AFF3: variants seen among roughly 807,000 people sequenced by gnomAD.
AFF3 encodes the protein ALF transcription elongation factor 3.
A neutral mutation model predicts 129.7 loss-of-function variants in AFF3; 32 were observed. The ratio of observed to expected loss-of-function variants is 0.25; its 90% CI spans 0.19 to 0.33. The LOEUF is 0.33. Ranked by LOEUF, AFF3 falls within the 10% of genes least tolerant of loss-of-function variation. The probability of loss-of-function intolerance (pLI) is 1.00; values close to 1 mark genes in which losing one functional copy is unlikely to be tolerated. For missense variants in AFF3, 1,373 were observed against 1,592.0 expected, an observed-to-expected ratio of 0.86 and a Z score of 2.34; for synonymous variants, 644 against 635.4, an observed-to-expected ratio of 1.01 and a Z score of -0.20.
At chr2:100,066,796 G>C (rs1223710063) in intron 4 of AFF3, among the ~76,000 whole-genome samples, 1 of 152,170 alleles carries the variant, frequency 6.6e-6, no homozygotes, top group Non-Finnish European at 1.5e-5. Flanking sequence ...TTCAAAAGGA[G>C]AACCGAACAA....
chr2:99,947,527 GAAAGAAAGAA>G (rs1422441241), intron 7 of AFF3, among the ~76,000 whole-genome samples: 1 of 134,812 alleles, frequency 7.4e-6, no homozygotes, highest in Non-Finnish European at 1.6e-5. Flanking sequence ...GAGAGAGAAA[GAAAGAAAGAA>G]AAAGAGAGAA....
At chr2:99,621,282 A>G (rs990767980) in intron 13 of AFF3, among the ~76,000 whole-genome samples, 1 of 152,198 alleles carries the variant, frequency 6.6e-6, no homozygotes, top group Non-Finnish European at 1.5e-5. Context: ...TTTCCTCCCT[A>G]AATTCGCACA....
At chr2:99,643,197 T>C (rs1396252675) in intron 13 of AFF3, among the ~76,000 whole-genome samples, 2 of 151,574 alleles carry the variant, frequency 1.3e-5, no homozygotes, top group East Asian at 3.9e-4. Flanking sequence ...GTAGCTGGGA[T>C]TACAGGTGCA....
intron 3 of AFF3, chr2:100,104,825 G>A: frequency 2.2e-6 from 1 of 453,716 alleles, no homozygotes. Context: ...CCGCCGCCGC[G>A]GTGCTCTGCG....
chr2:100,023,201 C>T (rs1041761034), intron 4 of AFF3, among the ~76,000 whole-genome samples: 58 of 152,346 alleles, frequency 3.8e-4, no homozygotes, highest in Non-Finnish European at 5.3e-4. Flanking sequence ...GAAGCCCTCC[C>T]TTCACTGAGC....
chr2:99,906,650 G>A (rs1360009058), intron 7 of AFF3, among the ~76,000 whole-genome samples: 1 of 152,128 alleles, frequency 6.6e-6, no homozygotes, highest in Non-Finnish European at 1.5e-5. Flanking sequence ...AAGGTTCTAA[G>A]GGCAGAAATG....
At chr2:99,787,947 T>C (rs1217931382) in intron 8 of AFF3, among the ~76,000 whole-genome samples, 2 of 152,192 alleles carry the variant, frequency 1.3e-5, no homozygotes, top group Non-Finnish European at 2.9e-5. Flanking sequence ...TTTTGGTTAA[T>C]GACAGACTGC....
At chr2:99,985,900 G>GA (rs1038795900) in intron 7 of AFF3, among the ~76,000 whole-genome samples, 4 of 151,632 alleles carry the variant, frequency 2.6e-5, no homozygotes, top group Non-Finnish European at 5.9e-5. Context: ...TTCATAAGAA[G>GA]AAAAAAAATA....
chr2:100,132,033 GGCA>G (rs1692447507), intron 1 of AFF3, among the ~76,000 whole-genome samples: 1 of 152,104 alleles, frequency 6.6e-6, no homozygotes, highest in Admixed American at 6.6e-5. Context: ...CACCTCCTTT[GGCA>G]GAACATTTTT....
chr2:100,132,940 T>G (rs547940943), intron 1 of AFF3, among the ~76,000 whole-genome samples: 4 of 151,936 alleles, frequency 2.6e-5, no homozygotes, highest in South Asian at 2.1e-4. Flanking sequence ...TTTTGTTTTT[T>G]TTTTTTAGAT....
chr2:99,560,604 G>A (rs577532238), intron 20 of AFF3, among the ~76,000 whole-genome samples, 168 bp from the exon 21 acceptor site: 3 of 152,310 alleles, frequency 2.0e-5, no homozygotes, highest in African/African-American at 7.2e-5. Context: ...AGCTGGTGCT[G>A]CTCCATTTTC....
chr2:100,108,543 C>G (rs1335778522), intron 2 of AFF3, among the ~76,000 whole-genome samples: 1 of 152,096 alleles, frequency 6.6e-6, no homozygotes, highest in African/African-American at 2.4e-5. Flanking sequence ...TGTCCACTGT[C>G]CTAGGGAGTT....
At chr2:100,012,653 G>A (rs911141019) in intron 4 of AFF3, among the ~76,000 whole-genome samples, 1 of 152,214 alleles carries the variant, frequency 6.6e-6, no homozygotes, top group Non-Finnish European at 1.5e-5. Context: ...TGCCATGAAA[G>A]CTTAGCCCTC....
intron 4 of AFF3, among the ~76,000 whole-genome samples, chr2:100,035,716 T>C (rs754578381): frequency 1.3e-5 from 2 of 152,290 alleles, no homozygotes; most frequent in Non-Finnish European, 2.9e-5. Context: ...TCGATGAGTA[T>C]TTGTTCAATG....
intron 7 of AFF3, among the ~76,000 whole-genome samples, chr2:99,948,528 G>A (rs1375702822): frequency 6.6e-6 from 1 of 152,178 alleles, no homozygotes; most frequent in African/African-American, 2.4e-5. Flanking sequence ...AAACTCAAAG[G>A]AGGAAGGATG....
intron 4 of AFF3, among the ~76,000 whole-genome samples, chr2:100,073,318 C>A (rs1451825303): frequency 1.3e-5 from 2 of 152,182 alleles, no homozygotes; most frequent in Non-Finnish European, 2.9e-5. Flanking sequence ...GCAGAATGCC[C>A]AGAAAACATG....
chr2:99,916,656 A>G (rs1695496038), intron 7 of AFF3, among the ~76,000 whole-genome samples: 2 of 152,172 alleles, frequency 1.3e-5, no homozygotes, highest in Admixed American at 1.3e-4. Context: ...ACCACAGTCA[A>G]GAACCAGCAG....
At chr2:99,723,875 GAGAT>G (rs975149709) in intron 11 of AFF3, among the ~76,000 whole-genome samples, 1 of 152,172 alleles carries the variant, frequency 6.6e-6, no homozygotes. Flanking sequence ...AACAGACACA[GAGAT>G]AGACATGCAC....
At chr2:99,863,965 C>T (rs1691187195) in intron 7 of AFF3, among the ~76,000 whole-genome samples, 1 of 152,228 alleles carries the variant, frequency 6.6e-6, no homozygotes, top group Admixed American at 6.5e-5. Context: ...GAAACAGAAG[C>T]AGACATAACC....
Sources: allele counts gnomAD v4.1 joint callset (sites outside exome capture counted in the v4.1 genomes callset), GRCh38; gene constraint gnomAD v4.1.1; transcripts MANE v1.5; gene names NCBI Gene and HGNC (gene_info 2026-07-23, HGNC 2026-07-21).